RECQL5: variants seen among roughly 807,000 people sequenced by gnomAD.
RECQL5 encodes the protein ATP-dependent DNA helicase Q5.
Under a neutral mutation model 103.4 loss-of-function variants are expected in RECQL5, and 88 were observed. The ratio of observed to expected loss-of-function variants is 0.85; its 90% CI spans 0.72 to 1.02. RECQL5 has a LOEUF of 1.02. Ranked by LOEUF, RECQL5 falls within the 50% of genes least tolerant of loss-of-function variation. The probability of loss-of-function intolerance (pLI) is 0.00; values close to 1 mark genes in which losing one functional copy is unlikely to be tolerated. For missense variants in RECQL5, 1,232 were observed against 1,284.3 expected, an observed-to-expected ratio of 0.96 and a Z score of 0.62; for synonymous variants, 552 against 507.9, an observed-to-expected ratio of 1.09 and a Z score of -1.17.
intron 8 of RECQL5, chr17:75,633,617 A>G: frequency 8.3e-7 from 1 of 1,206,072 alleles, no homozygotes; most frequent in Non-Finnish European, 1.1e-6. Context: ...GAGGGCCACC[A>G]GCTCCCCACT....
intron 8 of RECQL5, chr17:75,649,929 A>C (rs2059534004): frequency 2.0e-6 from 2 of 985,472 alleles, no homozygotes; most frequent in Non-Finnish European, 2.4e-6. Flanking sequence ...AAATGAAGGC[A>C]GAGGCCCTTG....
Position 75,649,816 on chromosome 17 carries a change from C to T in RECQL5, c.1229+1370G>A, listed in dbSNP as rs576222009. 4 of 985,380 alleles carry T rather than the reference C, an allele frequency of 4.1e-6. No individual in the cohort carries two copies. The African/African-American group carries it at 7.0e-5, about 17-fold the overall frequency. The allele number at this position is 985,380 out of a possible 1,614,324, so 61.0% of individuals were successfully genotyped here. On this transcript the variant is annotated intron_variant, in intron 8 of 19. Coordinates refer to ENST00000317905, the MANE Select transcript of RECQL5 (RefSeq NM_004259.7). ...GGCTGCTCAAGAGGCAGCGCAACAC[C>T]GTCACCTGGACTCCTTGAGTCCACA...
At chr17:75,628,534 C>T (rs1443145426) in intron 17 of RECQL5, 92 bp from the exon 18 acceptor site, 3 of 1,528,696 alleles carry the variant, frequency 2.0e-6, no homozygotes, top group Non-Finnish European at 8.9e-7. Flanking sequence ...CACCAGCTGC[C>T]TCTCTCCAGC....
chr17:75,643,271 G>C (rs1205679468), intron 8 of RECQL5, among the ~76,000 whole-genome samples: 2 of 152,236 alleles, frequency 1.3e-5, no homozygotes, highest in East Asian at 3.8e-4. Context: ...GAATAGCCCT[G>C]CTCCAGGGCG....
intron 8 of RECQL5, chr17:75,634,343 T>C: frequency 1.3e-6 from 1 of 748,430 alleles, no homozygotes; most frequent in Non-Finnish European, 1.6e-6. Context: ...TGCAGGGAAG[T>C]CAGCCAGCCT....
rs776148261 is a variant in RECQL5 at position 75,666,465 on chromosome 17, C to A, written c.93G>T (p.Thr31=). The change falls in exon 2 of 20, where the codon ACG becomes ACT. Residue 31 remains threonine (T), a synonymous_variant. Coordinates refer to ENST00000317905, the MANE Select transcript of RECQL5 (RefSeq NM_004259.7). ...CCATGGTCGCACTCTCCTGTAAAGGCGTCTTAAAAGAGTCAAACCCAAAGA... is the reference window on the plus strand; with the variant it reads ...CCATGGTCGCACTCTCCTGTAAAGGAGTCTTAAAAGAGTCAAACCCAAAGA... ...KKVFGFDSFK[T]PLQESATMAV... The A allele has an allele frequency of 3.7e-6, 6 of 1,614,112 alleles. No homozygotes were observed.
intron 8 of RECQL5, among the ~76,000 whole-genome samples, chr17:75,644,531 G>A (rs1261367367): frequency 6.6e-6 from 1 of 151,922 alleles, no homozygotes; most frequent in African/African-American, 2.4e-5. Flanking sequence ...GACTGCCTGG[G>A]GCATGACAGT....
intron 8 of RECQL5, chr17:75,641,118 G>A: frequency 1.3e-6 from 1 of 750,730 alleles, no homozygotes; most frequent in Non-Finnish European, 2.0e-6. Context: ...ACTGGGTGCT[G>A]GGGAGTCAGC....
chr17:75,661,785 A>G (rs1285353344), intron 4 of RECQL5, 77 bp from the exon 5 acceptor site: 3 of 1,072,890 alleles, frequency 2.8e-6, no homozygotes, highest in Non-Finnish European at 4.2e-6. Context: ...ACCCTGCTCT[A>G]AAAGAAGCTC....
At chr17:75,644,686 G>A (rs757414636) in intron 8 of RECQL5, among the ~76,000 whole-genome samples, 3 of 151,964 alleles carry the variant, frequency 2.0e-5, no homozygotes, top group African/African-American at 4.8e-5. Flanking sequence ...CCTCCCAACC[G>A]GGCATGGTGG....
At chr17:75,665,569 A>T (rs1489132847) in intron 2 of RECQL5, among the ~76,000 whole-genome samples, 1 of 152,030 alleles carries the variant, frequency 6.6e-6, no homozygotes, top group Non-Finnish European at 1.5e-5. Context: ...ACGTGCCTGT[A>T]ATCCCAGCTA....
chr17:75,635,245 G>A (rs1040290072), intron 8 of RECQL5, among the ~76,000 whole-genome samples: 4 of 152,192 alleles, frequency 2.6e-5, no homozygotes, highest in African/African-American at 9.7e-5. Context: ...TGCGGTGTTG[G>A]GAGGCGCACA....
intron 8 of RECQL5, chr17:75,650,488 G>A (rs1306081007): frequency 1.4e-6 from 2 of 1,396,170 alleles, no homozygotes; most frequent in Non-Finnish European, 1.9e-6. Flanking sequence ...CTTCGTGACT[G>A]TGACCTCTCT....
chr17:75,640,280 G>T lies in RECQL5; in HGVS notation c.1230-8612C>A. On this transcript the variant is annotated intron_variant, in intron 8 of 19. Transcript: ENST00000317905. The surrounding 1 kb of genome is among the most constrained non-coding windows in gnomAD (Gnocchi z 4.6). ...GCTCAAGCTGCAGAGACTGCCCCAG[G>T]CTGAGCCCGTGGAGATCGTGGCCTT... The T allele has an allele frequency of 6.4e-7, 1 of 1,551,472 alleles. No individual in the cohort carries two copies. The highest frequency in any genetic ancestry group is 1.2e-5 in the South Asian group (1 of 84,046).
At chr17:75,630,308 T>A in intron 13 of RECQL5, 31 bp from the exon 14 acceptor site, 1 of 1,524,618 alleles carries the variant, frequency 6.6e-7, no homozygotes, top group Non-Finnish European at 8.8e-7. Context: ...GCACAAGGTA[T>A]CAGGTGGGCC....
intron 17 of RECQL5, 59 bp from the exon 18 acceptor site, chr17:75,628,501 T>C (rs145336489): frequency 2.3e-4 from 359 of 1,573,024 alleles, no homozygotes; most frequent in Non-Finnish European, 2.8e-4. Context: ...CCTGCTCCCC[T>C]CCTCCAGAAG....
At chr17:75,630,713 T>G (rs1190676687) in intron 12 of RECQL5, 21 bp from the exon 13 acceptor site, 1 of 1,611,178 alleles carries the variant, frequency 6.2e-7, no homozygotes, top group Non-Finnish European at 8.5e-7. Context: ...ACAGTGAGAC[T>G]GGTCGCATGG....
chr17:75,667,120 A>G lies in RECQL5; in HGVS notation c.-91T>C. 1 of 516,244 alleles carries G rather than the reference A, an allele frequency of 1.9e-6. No homozygotes were observed. 32.0% of individuals were successfully genotyped at this position (516,244 alleles called of 1,614,324 possible). The stretch of plus-strand genomic sequence containing the variant: ...AACTGTTCGAAGACCCCTATACACA[A>G]CCCCAACTCAGAGAAGCCAAAGCGC... On this transcript the variant is annotated 5_prime_UTR_variant, in exon 1 of 20. Coordinates refer to ENST00000317905, the MANE Select transcript of RECQL5 (RefSeq NM_004259.7).
chr17:75,655,520 C>T (rs368641641), intron 7 of RECQL5, among the ~76,000 whole-genome samples: 52 of 152,110 alleles, frequency 3.4e-4, no homozygotes, highest in African/African-American at 1.2e-3. Context: ...CCCGCCACGA[C>T]GCCCAGCTAA....
Sources: gnomAD v4.1 joint callset for allele counts (sites outside exome capture counted in the v4.1 genomes callset) on GRCh38, gnomAD v4.1.1 for gene constraint, Gnocchi (gnomAD v3.1) non-coding constraint, MANE v1.5 for transcripts, NCBI Gene and HGNC (gene_info 2026-07-23, HGNC 2026-07-21) for gene names.